The following SNX7 variants were observed in gnomAD, a reference collection of about 807,000 sequenced individuals.
The protein encoded by SNX7 is sorting nexin-7.
In SNX7, 35 loss-of-function variants were observed where a neutral mutation model predicts 48.4. The ratio of observed to expected loss-of-function variants is 0.72; its 90% CI spans 0.55 to 0.96. SNX7 has a LOEUF of 0.96. Among genes scored for constraint, SNX7 ranks in the 40% least tolerant of loss-of-function variants. The pLI is 0.00. For missense variants in SNX7, 553 were observed against 548.9 expected, an observed-to-expected ratio of 1.01 and a Z score of -0.07; for synonymous variants, 190 against 190.2, an observed-to-expected ratio of 1.00 and a Z score of 0.01.
chr1:98,745,978 T>A (rs923183007), intron 8 of SNX7, among the ~76,000 whole-genome samples: 1 of 152,064 alleles, frequency 6.6e-6, no homozygotes, highest in Non-Finnish European at 1.5e-5. Context: ...ATATGTCACT[T>A]TTTTGTTGAG....
At chr1:98,686,710 C>A (rs1570513652) in intron 2 of SNX7, among the ~76,000 whole-genome samples, 1 of 152,068 alleles carries the variant, frequency 6.6e-6, no homozygotes, top group Non-Finnish European at 1.5e-5. Context: ...ATTAACCTCT[C>A]TATATTAGTT....
intron 8 of SNX7, among the ~76,000 whole-genome samples, chr1:98,741,567 T>C (rs1335100201): frequency 6.6e-6 from 1 of 152,164 alleles, no homozygotes; most frequent in Non-Finnish European, 1.5e-5. Flanking sequence ...TAAGGATAAA[T>C]GTGTTGAGTC....
At chr1:98,702,327 G>C (rs903552030) in intron 7 of SNX7, among the ~76,000 whole-genome samples, 3 of 151,984 alleles carry the variant, frequency 2.0e-5, no homozygotes, top group Admixed American at 2.0e-4. Flanking sequence ...TTATGAAAGG[G>C]AATATCTTTG....
intron 7 of SNX7, among the ~76,000 whole-genome samples, chr1:98,729,527 GAAGAA>G (rs1290165656): frequency 2.0e-5 from 3 of 150,452 alleles, no homozygotes; most frequent in African/African-American, 7.3e-5. Flanking sequence ...TATTAGTAAT[GAAGAA>G]AAGAGAGAAG....
At chr1:98,678,333 G>A (rs1357762549) in intron 1 of SNX7, among the ~76,000 whole-genome samples, 1 of 152,144 alleles carries the variant, frequency 6.6e-6, no homozygotes, top group Non-Finnish European at 1.5e-5. Context: ...ATTCATGAGG[G>A]ATTCACCCTA....
Position 98,699,364 on chromosome 1 carries a change from C to A in SNX7, c.1038+459C>A, listed in dbSNP as rs537145820. Among the ~76,000 whole-genome samples the A allele has an allele frequency of 3.2e-3, 485 of 152,204 alleles. 1 individual carries two copies. The highest frequency in any genetic ancestry group is 0.011 in the African/African-American group (470 of 41,542). On this transcript the variant is annotated intron_variant, in intron 6 of 8. Transcript: ENST00000306121. ...CCTTCTGGTTGCTTTTAAAAGAAAT[C>A]TTTCAAGTTAAAATGTTTTTCTTTC...
At chr1:98,750,885 T>C (rs1654547750) in intron 8 of SNX7, among the ~76,000 whole-genome samples, 1 of 152,136 alleles carries the variant, frequency 6.6e-6, no homozygotes, top group Non-Finnish European at 1.5e-5. Context: ...TTATGTTTGC[T>C]GTATTCCACG....
intron 7 of SNX7, among the ~76,000 whole-genome samples, chr1:98,713,424 C>T (rs9724665): frequency 0.26 from 39,978 of 150,964 alleles, 5,581 homozygotes; most frequent in South Asian, 0.31. Flanking sequence ...ACCACTAAAA[C>T]TTTCTCCATA....
rs1053267562 is a variant in SNX7 at position 98,701,777 on chromosome 1, CTAAG to C, written c.1039-37_1039-34del. ...TTTGCTATAGGAAAGATTATTAAAA[CTAAG>C]TACAGCCTATTTTATCTGTGTGTTT... On this transcript the variant is annotated intron_variant, in intron 6 of 8. Coordinates refer to ENST00000306121, the MANE Select transcript of SNX7 (RefSeq NM_015976.5). The C allele has an allele frequency of 2.2e-6, 3 of 1,377,020 alleles. No homozygotes were observed. In the African/African-American group the frequency reaches 4.4e-5, roughly 20 times the overall value. 85.3% of individuals were successfully genotyped at this position (1,377,020 alleles called of 1,614,324 possible).
At chr1:98,713,683 G>A (rs1652438647) in intron 7 of SNX7, among the ~76,000 whole-genome samples, 1 of 152,132 alleles carries the variant, frequency 6.6e-6, no homozygotes, top group Non-Finnish European at 1.5e-5. Flanking sequence ...AGCCATTGTA[G>A]GGTTATTAAT....
intron 2 of SNX7, among the ~76,000 whole-genome samples, chr1:98,690,667 G>A (rs1651069555): frequency 1.3e-5 from 2 of 151,992 alleles, no homozygotes; most frequent in African/African-American, 4.8e-5. Context: ...TGCAAAAATA[G>A]GACTTTCCTC....
intron 7 of SNX7, among the ~76,000 whole-genome samples, chr1:98,703,741 A>G (rs536816222): frequency 3.0e-4 from 46 of 152,152 alleles, no homozygotes; most frequent in African/African-American, 1.0e-3. Flanking sequence ...GAGAGTTAAG[A>G]GTCAATTAGA....
intron 8 of SNX7, among the ~76,000 whole-genome samples, chr1:98,752,199 G>A (rs151322095): frequency 1.4e-3 from 206 of 152,098 alleles, no homozygotes; most frequent in African/African-American, 4.7e-3. Context: ...AATACTCACT[G>A]TAATAAATTA....
intron 7 of SNX7, among the ~76,000 whole-genome samples, chr1:98,725,154 G>A (rs898235779): frequency 1.3e-5 from 2 of 152,096 alleles, no homozygotes; most frequent in African/African-American, 4.8e-5. Flanking sequence ...TAAATCTTGT[G>A]TGAATATCAC....
chr1:98,738,844 G>A (rs1653927978), intron 8 of SNX7, among the ~76,000 whole-genome samples: 1 of 151,798 alleles, frequency 6.6e-6, no homozygotes, highest in African/African-American at 2.4e-5. Context: ...TTTTTCAGAT[G>A]ATTGTATTTC....
chr1:98,680,227 G>A (rs1365907573), intron 1 of SNX7, among the ~76,000 whole-genome samples: 4 of 152,148 alleles, frequency 2.6e-5, no homozygotes, highest in Non-Finnish European at 5.9e-5. Flanking sequence ...CTCTATGTTG[G>A]CCCCTTTCAG....
chr1:98,708,675 A>G (rs1268877700), intron 7 of SNX7, among the ~76,000 whole-genome samples: 1 of 152,186 alleles, frequency 6.6e-6, no homozygotes, highest in Non-Finnish European at 1.5e-5. Context: ...AGAAAGTACC[A>G]GGGAGTACCT....
intron 3 of SNX7, 74 bp downstream of exon 3, chr1:98,691,259 C>T (rs958310916): frequency 6.0e-6 from 5 of 829,586 alleles, no homozygotes; most frequent in Middle Eastern, 2.5e-4. Flanking sequence ...TGCCTAAAAC[C>T]TAATTTCAGA....
Position 98,706,712 on chromosome 1 carries a change from T to A in SNX7, c.1125+4809T>A, listed in dbSNP as rs1461440376. Among the ~76,000 whole-genome samples the A allele has an allele frequency of 2.0e-5, 3 of 151,944 alleles. No individual in the cohort carries two copies. The East Asian group carries it at 5.8e-4, about 29-fold the overall frequency. ...ATAGCTTGGACCAGAGCAGAAGTGA[T>A]GTTAAGGGGTCAGAAGCTGAGTATA... On this transcript the variant is annotated intron_variant, in intron 7 of 8. Transcript: ENST00000306121.
Sources: gnomAD v4.1 joint callset for allele counts (sites outside exome capture counted in the v4.1 genomes callset) on GRCh38, gnomAD v4.1.1 for gene constraint, MANE v1.5 for transcripts, NCBI Gene and HGNC (gene_info 2026-07-23, HGNC 2026-07-21) for gene names.